KIRREL2: variants seen among roughly 807,000 people sequenced by gnomAD.
The protein encoded by KIRREL2 is kirre like nephrin family adhesion molecule 2.
In KIRREL2, 56 loss-of-function variants were observed where a neutral mutation model predicts 73.4. That is an observed-to-expected ratio of 0.76 (90% CI 0.62 to 0.95). The LOEUF (loss-of-function observed/expected upper bound fraction) is 0.95, where lower values mean the gene tolerates loss of function less well. KIRREL2 is among the 40% of genes least tolerant of loss of function. The pLI is 0.00. For missense variants in KIRREL2, 896 were observed against 935.0 expected, an observed-to-expected ratio of 0.96 and a Z score of 0.54; for synonymous variants, 407 against 404.0, an observed-to-expected ratio of 1.01 and a Z score of -0.09.
At chr19:35,851,443 C>G, upstream of KIRREL2, 1 of 1,613,144 alleles carries the variant, frequency 6.2e-7, no homozygotes, top group Non-Finnish European at 8.5e-7. Flanking sequence ...GGGTCTCAGG[C>G]TCTGATCCCT....
rs1485850001 is a variant in KIRREL2 at position 35,861,231 on chromosome 19, C to A, written c.1166C>A (p.Ala389Glu). The part of the protein sequence containing the change: ...AGLSGLRGGA[A>E]EARLTVNAPP... ...CTATCGGGCCTGCGGGGCGGCGCCG[C>A]GGAGGCTCGGCTGACTGTGAACGGT... The change falls in exon 9 of 15, where the codon GCG (alanine) becomes GAG (glutamate). Residue 389 changes from alanine (A) to glutamate (E), a missense_variant. Coordinates refer to ENST00000360202, the MANE Select transcript of KIRREL2 (RefSeq NM_199180.4). 6.5e-7 allele frequency: 1 copy of A among 1,533,622 alleles called. No individual in the cohort carries two copies. Among genetic ancestry groups the A allele is most frequent in the Admixed American group, 2.1e-5 (1 of 46,720 alleles).
At chr19:35,862,644 C>A in intron 12 of KIRREL2, 47 bp downstream of exon 12, 2 of 1,399,354 alleles carry the variant, frequency 1.4e-6, no homozygotes, top group Admixed American at 1.7e-5. Flanking sequence ...CAGCCCCACA[C>A]GCGCCCTGCC....
In KIRREL2 at chr19:35,860,282, G is replaced by A; in HGVS notation, c.674-15G>A. On this transcript the variant is annotated splice_polypyrimidine_tract_variant and intron_variant, in intron 5 of 14. Coordinates refer to ENST00000360202, the MANE Select transcript of KIRREL2 (RefSeq NM_199180.4). Reference sequence around the variant, plus strand: ...CCTGGTCCTTGCCCATCTGACCATTGTCCCACCCTCACAGACCCCCCAGAG... The same window carrying A: ...CCTGGTCCTTGCCCATCTGACCATTATCCCACCCTCACAGACCCCCCAGAG... 1 of 1,610,680 alleles carries A rather than the reference G, an allele frequency of 6.2e-7. No homozygotes were observed. The highest frequency in any genetic ancestry group is 8.5e-7 in the Non-Finnish European group (1 of 1,177,550).
At chr19:35,855,902 C>T (rs1295469912), upstream of KIRREL2, 1 of 152,046 alleles carries the variant, frequency 6.6e-6, no homozygotes, top group East Asian at 1.9e-4. Context: ...CTCAAGGAAC[C>T]GGGAGATCAG....
upstream of KIRREL2, chr19:35,851,688 G>A (rs765762816): frequency 1.4e-4 from 226 of 1,605,088 alleles, 1 homozygote; most frequent in Non-Finnish European, 1.8e-4. Context: ...GACACAGCGC[G>A]GTGCAAGGAA....
chr19:35,856,571 T>C, upstream of KIRREL2: 1 of 159,898 alleles, frequency 6.3e-6, no homozygotes, highest in Non-Finnish European at 1.4e-5. The surrounding 1 kb of genome is among the most constrained non-coding windows in gnomAD (Gnocchi z 5.9). Flanking sequence ...GGAGCTCCCA[T>C]TTATAGCTCA....
chr19:35,859,970 G>A (rs565177583), intron 5 of KIRREL2, among the ~76,000 whole-genome samples: 13 of 152,250 alleles, frequency 8.5e-5, no homozygotes, highest in South Asian at 2.1e-4. Context: ...ACTTGTACCC[G>A]GGAGGCAGAT....
upstream of KIRREL2, among the ~76,000 whole-genome samples, chr19:35,853,819 C>T (rs962700928): frequency 6.9e-6 from 1 of 145,080 alleles, no homozygotes; most frequent in Non-Finnish European, 1.5e-5. Context: ...ACTACAGGCC[C>T]GCATCACCAC....
chr19:35,853,415 G>A (rs538936184), upstream of KIRREL2, among the ~76,000 whole-genome samples: 3 of 152,328 alleles, frequency 2.0e-5, no homozygotes, highest in Admixed American at 6.5e-5. Flanking sequence ...GACTGCATGA[G>A]CTTTCTTCTC....
At chr19:35,863,522 G>T (rs760348533) in intron 13 of KIRREL2, among the ~76,000 whole-genome samples, 1 of 149,826 alleles carries the variant, frequency 6.7e-6, no homozygotes, top group African/African-American at 2.5e-5. Context: ...CTGCGATCTC[G>T]GCTCACTGCA....
Position 35,866,427 on chromosome 19 carries a change from A to G in KIRREL2, c.2062A>G (p.Thr688Ala), listed in dbSNP as rs1973973912. 14 of 1,534,976 alleles carry G rather than the reference A, an allele frequency of 9.1e-6. No homozygotes were observed. Among genetic ancestry groups the G allele is most frequent in the African/African-American group, 1.5e-5 (1 of 68,546 alleles). ...TGGGCCCCCAGATCTGGCCCCCGGG[A>G]CTCCCCCCTTCCCATATGCTGCCTT... ...SFGPPDLAPG[T>A]PPFPYAAFPT... Residue 688 changes from threonine to alanine, a missense_variant, in exon 15 of 15, where the codon ACT becomes GCT. Physicochemically the swap from Thr to Ala is moderately conservative, Grantham distance 58 (BLOSUM62 0). Coordinates refer to ENST00000360202, the MANE Select transcript of KIRREL2 (RefSeq NM_199180.4).
upstream of KIRREL2, among the ~76,000 whole-genome samples, chr19:35,855,582 C>T (rs562200350): frequency 3.9e-4 from 59 of 150,582 alleles, no homozygotes; most frequent in Non-Finnish European, 7.5e-4. Flanking sequence ...GGGTCTCAGT[C>T]CCTTCTCTCC....
At chr19:35,856,652 C>G (rs973713068), upstream of KIRREL2, 1 of 289,578 alleles carries the variant, frequency 3.5e-6, no homozygotes, top group African/African-American at 2.3e-5. This position sits in a 1 kb window ranked among gnomAD's most constrained non-coding sequence, Gnocchi z 5.9. Flanking sequence ...CTTCCCTCCT[C>G]CTCACCCCTT....
chr19:35,861,222 G>A lies in KIRREL2; in HGVS notation c.1157G>A (p.Gly386Asp), dbSNP rs1307807793. ...GAGGCTGGGCTATCGGGCCTGCGGGGCGGCGCCGCGGAGGCTCGGCTGACT... is the reference window on the plus strand; with the variant it reads ...GAGGCTGGGCTATCGGGCCTGCGGGACGGCGCCGCGGAGGCTCGGCTGACT... The part of the protein sequence containing the change: ...RAEAGLSGLR[G>D]GAAEARLTVN... The change falls in exon 9 of 15, where the codon GGC becomes GAC. Residue 386 changes from glycine to aspartate, a missense_variant. Physicochemically the swap from Gly to Asp is moderately conservative, Grantham distance 94 (BLOSUM62 -1). Transcript: ENST00000360202. The A allele has an allele frequency of 6.5e-7, 1 of 1,536,842 alleles. No individual in the cohort carries two copies. The highest frequency in any genetic ancestry group is 2.3e-5 in the East Asian group (1 of 44,286).
chr19:35,854,789 C>G (rs1275293295), upstream of KIRREL2, among the ~76,000 whole-genome samples: 1 of 152,138 alleles, frequency 6.6e-6, no homozygotes, highest in Non-Finnish European at 1.5e-5. Flanking sequence ...CCTCACCCCA[C>G]AGTCTGTCTC....
intron 6 of KIRREL2, 49 bp from the exon 7 acceptor site, chr19:35,860,470 G>C: frequency 1.2e-6 from 2 of 1,603,896 alleles, no homozygotes; most frequent in Non-Finnish European, 1.7e-6. Flanking sequence ...ACCTGAGTAG[G>C]TGTGCCAGAG....
In KIRREL2 at chr19:35,857,087, G is replaced by T. The variant is rs775264143; in HGVS notation, c.-33G>T. The T allele has an allele frequency of 1.9e-6, 3 of 1,613,048 alleles. No individual in the cohort carries two copies. In the Admixed American group the frequency reaches 5.0e-5, roughly 27 times the overall value. ...GGAAGAAGTTGACGGGAAGGCCAGT[G>T]CGACGGCAAATCTCGTGAACCTTGG... is the stretch of plus-strand genomic sequence containing the variant. On this transcript the variant is annotated 5_prime_UTR_variant, in exon 1 of 15. Transcript: ENST00000360202.
intron 4 of KIRREL2, among the ~76,000 whole-genome samples, chr19:35,859,182 T>C (rs1973557327): frequency 6.6e-6 from 1 of 152,202 alleles, no homozygotes; most frequent in African/African-American, 2.4e-5. Flanking sequence ...TAAATACCTA[T>C]AAATGCCCAG....
intron 9 of KIRREL2, 27 bp from the exon 10 acceptor site, chr19:35,861,514 C>T: frequency 6.2e-7 from 1 of 1,609,628 alleles, no homozygotes; most frequent in Non-Finnish European, 8.5e-7. Context: ...GACCTCTCCT[C>T]TGAGTGACCT....
Sources: gnomAD v4.1 joint callset for allele counts (sites outside exome capture counted in the v4.1 genomes callset) on GRCh38, gnomAD v4.1.1 for gene constraint, Gnocchi (gnomAD v3.1) non-coding constraint, MANE v1.5 for transcripts, NCBI Gene and HGNC (gene_info 2026-07-23, HGNC 2026-07-21) for gene names.